Variants in WDR27 observed in about 807,000 individuals in gnomAD.
WDR27 encodes WD repeat domain 27.
WDR27 carries 100 observed loss-of-function variants against 114.4 expected under a neutral mutation model. The observed-to-expected ratio is 0.87, with a 90% confidence interval of 0.74 to 1.03. WDR27 has a LOEUF of 1.03. Among genes scored for constraint, WDR27 ranks in the 50% least tolerant of loss-of-function variants. The pLI is 0.00. For missense variants in WDR27, 1,129 were observed against 1,092.9 expected, an observed-to-expected ratio of 1.03 and a Z score of -0.47; for synonymous variants, 449 against 423.1, an observed-to-expected ratio of 1.06 and a Z score of -0.75.
chr6:169,662,445 A>C lies in WDR27; in HGVS notation c.905-21T>G, dbSNP rs199842797. On this transcript the variant is annotated intron_variant, in intron 8 of 25. Transcript: ENST00000448612. ...TTCTTCTAGGGACAGAATTATTGAG[A>C]ATCTAAGAAGTGAACTTAAATGCAT... The C allele has an allele frequency of 1.9e-3, 2,994 of 1,612,192 alleles. 7 individuals are homozygous for C. Among genetic ancestry groups the C allele is most frequent in the Non-Finnish European group, 2.1e-3 (2,474 of 1,178,638 alleles).
intron 25 of WDR27, among the ~76,000 whole-genome samples, chr6:169,554,929 C>A (rs1201006011): frequency 6.6e-6 from 1 of 152,128 alleles, no homozygotes; most frequent in African/African-American, 2.4e-5. Context: ...CATAAATACT[C>A]TTGGATGAAA....
At chr6:169,433,549 A>G in the WDR27 span, among the ~76,000 whole-genome samples, 1 of 152,190 alleles carries the variant, frequency 6.6e-6, no homozygotes, top group Non-Finnish European at 1.5e-5. Context: ...TGCAATAAAC[A>G]TATGTGTGCA....
intron 1 of WDR27, among the ~76,000 whole-genome samples, chr6:169,689,922 G>A (rs1489518479): frequency 6.6e-6 from 1 of 152,224 alleles, no homozygotes. Context: ...GCTCATGCTG[G>A]TCATGTGGAT....
chr6:169,427,227 G>A, the WDR27 span, among the ~76,000 whole-genome samples: 2 of 152,166 alleles, frequency 1.3e-5, no homozygotes, highest in African/African-American at 4.8e-5. Context: ...CTCTCTGGGA[G>A]AGCAAGTGGC....
chr6:169,641,772 T>A (rs146019969), intron 17 of WDR27, among the ~76,000 whole-genome samples: 31 of 152,374 alleles, frequency 2.0e-4, no homozygotes, highest in African/African-American at 7.0e-4. Flanking sequence ...TGTAATGGAA[T>A]TTTAGATTTA....
At chr6:169,465,871 G>T (rs998840960) in intron 25 of WDR27, among the ~76,000 whole-genome samples, 1 of 152,192 alleles carries the variant, frequency 6.6e-6, no homozygotes, top group African/African-American at 2.4e-5. Context: ...GACTGAGGAA[G>T]GGGATGGGGA....
chr6:169,496,215 G>A (rs1045713330), intron 25 of WDR27, among the ~76,000 whole-genome samples: 3 of 151,996 alleles, frequency 2.0e-5, no homozygotes, highest in Non-Finnish European at 4.4e-5. Context: ...TATCTCAATT[G>A]ATGCAGAAAA....
chr6:169,652,246 T>TG (rs1554346086), intron 13 of WDR27, among the ~76,000 whole-genome samples: 8 of 152,040 alleles, frequency 5.3e-5, no homozygotes, highest in Non-Finnish European at 1.2e-4. Context: ...TTGTTGTTGT[T>TG]TTGTTGTTGT....
At chr6:169,469,286 T>C (rs896530757) in intron 25 of WDR27, among the ~76,000 whole-genome samples, 5 of 152,202 alleles carry the variant, frequency 3.3e-5, no homozygotes, top group Non-Finnish European at 4.4e-5. Flanking sequence ...ACGAAAGTTA[T>C]ATTTTTCCAA....
intron 24 of WDR27, among the ~76,000 whole-genome samples, chr6:169,580,234 G>A (rs540524318): frequency 4.6e-5 from 7 of 152,286 alleles, no homozygotes; most frequent in South Asian, 2.1e-4. Context: ...CTCATATACC[G>A]CTAAATGGAA....
At chr6:169,612,544 G>T (rs759395377) in intron 22 of WDR27, among the ~76,000 whole-genome samples, 4 of 150,758 alleles carry the variant, frequency 2.7e-5, no homozygotes, top group Non-Finnish European at 5.9e-5. Flanking sequence ...CTCAGGGGTG[G>T]GGTGGTGGGG....
At chr6:169,576,534 G>A (rs1033047649) in intron 24 of WDR27, among the ~76,000 whole-genome samples, 1 of 152,214 alleles carries the variant, frequency 6.6e-6, no homozygotes, top group Non-Finnish European at 1.5e-5. Context: ...GCTGAGGTGG[G>A]AGGATTGCTT....
intron 16 of WDR27, among the ~76,000 whole-genome samples, chr6:169,644,540 T>C (rs1443797318): frequency 6.7e-6 from 1 of 150,346 alleles, no homozygotes; most frequent in African/African-American, 2.4e-5. Context: ...TGGAAAACCC[T>C]AGTTCACAGG....
intron 13 of WDR27, among the ~76,000 whole-genome samples, chr6:169,656,454 T>C (rs1478380389): frequency 6.6e-6 from 1 of 151,874 alleles, no homozygotes; most frequent in Non-Finnish European, 1.5e-5. Context: ...CTGCTGTCAA[T>C]TGTTAAGGAT....
At chr6:169,701,254 C>T (rs1787930283) in intron 1 of WDR27, among the ~76,000 whole-genome samples, 1 of 152,108 alleles carries the variant, frequency 6.6e-6, no homozygotes, top group Admixed American at 6.5e-5. Context: ...GAGAAAATTA[C>T]TCCCTTCTGA....
downstream of WDR27, among the ~76,000 whole-genome samples, chr6:169,456,531 A>C (rs115617359): frequency 0.01 from 1,540 of 152,298 alleles, 17 homozygotes; most frequent in African/African-American, 0.034. This position sits in a 1 kb window ranked among gnomAD's most constrained non-coding sequence, Gnocchi z 4.0. Context: ...CCTTGGAAGC[A>C]TCCTCATTCT....
intron 25 of WDR27, among the ~76,000 whole-genome samples, chr6:169,476,590 G>A (rs1198270447): frequency 6.6e-6 from 1 of 152,034 alleles, no homozygotes; most frequent in Admixed American, 6.6e-5. Flanking sequence ...ACTCCACCAT[G>A]CTTCGTCACC....
intron 21 of WDR27, among the ~76,000 whole-genome samples, chr6:169,621,387 CACACACAT>C (rs766685007): frequency 3.0e-3 from 450 of 151,944 alleles, no homozygotes; most frequent in Admixed American, 5.4e-3. Flanking sequence ...TAGACATACG[CACACACAT>C]GCACACATGC....
intron 13 of WDR27, among the ~76,000 whole-genome samples, chr6:169,655,798 C>T (rs1420311834): frequency 6.6e-6 from 1 of 152,214 alleles, no homozygotes; most frequent in Non-Finnish European, 1.5e-5. Context: ...CAGCTCACTG[C>T]AACCTCCACC....
Sources: allele counts gnomAD v4.1 joint callset (sites outside exome capture counted in the v4.1 genomes callset), GRCh38; gene constraint gnomAD v4.1.1; non-coding constraint Gnocchi (gnomAD v3.1); transcripts MANE v1.5; gene names NCBI Gene and HGNC (gene_info 2026-07-23, HGNC 2026-07-21).